The following NDUFS4 variants were observed in gnomAD, a reference collection of about 807,000 sequenced individuals.
NDUFS4 encodes NADH:ubiquinone oxidoreductase subunit S4.
A neutral mutation model predicts 24.3 loss-of-function variants in NDUFS4; 28 were observed. That is an observed-to-expected ratio of 1.15 (90% CI 0.85 to 1.58). The LOEUF is 1.58. NDUFS4 is among the 40% of genes most tolerant of loss of function. The pLI, the probability that NDUFS4 is intolerant of heterozygous loss-of-function variation, is 0.00. For missense variants in NDUFS4, 223 were observed against 207.9 expected (o/e 1.07, Z -0.45); for synonymous variants, 93 against 69.7 (o/e 1.34, Z -1.67).
rs2607478 is a variant in NDUFS4 at position 53,622,632 on chromosome 5, A to T, written c.177+19102A>T. On this transcript the variant is annotated intron_variant, in intron 2 of 4. Coordinates refer to ENST00000296684, the MANE Select transcript of NDUFS4 (RefSeq NM_002495.4). ...ATACAAATTTTGGGAGAATACAAACATTCAGTTCATAACAGACCTTTTCAT... is the reference window on the plus strand; with the variant it reads ...ATACAAATTTTGGGAGAATACAAACTTTCAGTTCATAACAGACCTTTTCAT... Among the ~76,000 whole-genome samples, 50 of 151,930 alleles carry T rather than the reference A, an allele frequency of 3.3e-4. 1 individual carries two copies. The highest frequency in any genetic ancestry group is 6.0e-4 in the African/African-American group (25 of 41,418).
At chr5:53,560,958 G>A (rs1748821059) in intron 1 of NDUFS4, among the ~76,000 whole-genome samples, 198 bp downstream of exon 1, 1 of 152,112 alleles carries the variant, frequency 6.6e-6, no homozygotes, top group Admixed American at 6.5e-5. Flanking sequence ...GTGCGAGGCC[G>A]GGGAGGAGGA....
intron 2 of NDUFS4, among the ~76,000 whole-genome samples, chr5:53,636,860 G>A (rs569173257): frequency 3.3e-5 from 5 of 152,230 alleles, no homozygotes; most frequent in South Asian, 2.1e-4. Flanking sequence ...CTTCAGCCAC[G>A]TGAAGATGCC....
chr5:53,611,666 A>G (rs1750703113), intron 2 of NDUFS4, among the ~76,000 whole-genome samples: 1 of 151,978 alleles, frequency 6.6e-6, no homozygotes, highest in Non-Finnish European at 1.5e-5. Context: ...GATCTTATAA[A>G]TGGTTGTTTG....
At chr5:53,585,335 C>T (rs185285497) in intron 1 of NDUFS4, among the ~76,000 whole-genome samples, 1 of 152,228 alleles carries the variant, frequency 6.6e-6, no homozygotes, top group South Asian at 2.1e-4. Flanking sequence ...TTTATTGACT[C>T]GATTTGGATG....
intron 2 of NDUFS4, among the ~76,000 whole-genome samples, chr5:53,626,679 C>T (rs1751236672): frequency 6.6e-6 from 1 of 152,118 alleles, no homozygotes; most frequent in Non-Finnish European, 1.5e-5. Flanking sequence ...TAAATGTCTT[C>T]TTTTGAGAAG....
chr5:53,658,530 A>G, intron 3 of NDUFS4, 21 bp from the exon 4 acceptor site: 2 of 1,593,080 alleles, frequency 1.3e-6, no homozygotes, highest in East Asian at 2.2e-5. Flanking sequence ...TAAATCTTGG[A>G]AAAAAATTTG....
chr5:53,641,501 AC>A (rs1432365109), intron 2 of NDUFS4, among the ~76,000 whole-genome samples: 1 of 152,126 alleles, frequency 6.6e-6, no homozygotes. Context: ...ACATTCCAAC[AC>A]TTGATTCATT....
chr5:53,626,339 A>G (rs1751224784), intron 2 of NDUFS4, among the ~76,000 whole-genome samples: 2 of 152,304 alleles, frequency 1.3e-5, no homozygotes, highest in African/African-American at 4.8e-5. Flanking sequence ...CACTGCCGCA[A>G]TAAACATGTG....
chr5:53,667,389 CG>C (rs1029873406), intron 4 of NDUFS4, among the ~76,000 whole-genome samples: 72 of 151,602 alleles, frequency 4.7e-4, no homozygotes, highest in African/African-American at 1.7e-3. Context: ...CGCTTGAACC[CG>C]GGAGGCAGAG....
At chr5:53,668,562 G>A (rs964369352) in intron 4 of NDUFS4, among the ~76,000 whole-genome samples, 2 of 151,202 alleles carry the variant, frequency 1.3e-5, no homozygotes, top group Admixed American at 6.6e-5. Context: ...AGGTTCAAGC[G>A]ATTCTCCTGC....
chr5:53,677,037 T>G (rs1740497111), intron 4 of NDUFS4, among the ~76,000 whole-genome samples: 1 of 152,086 alleles, frequency 6.6e-6, no homozygotes, highest in East Asian at 1.9e-4. Flanking sequence ...CTGGAAGTGG[T>G]TTTTGGCTAT....
intron 4 of NDUFS4, among the ~76,000 whole-genome samples, chr5:53,675,641 A>T (rs1740442775): frequency 6.6e-6 from 1 of 152,222 alleles, no homozygotes; most frequent in Non-Finnish European, 1.5e-5. Context: ...ATGATGAAAT[A>T]CCAAAGAGCT....
chr5:53,598,589 T>C (rs928457462), intron 1 of NDUFS4, among the ~76,000 whole-genome samples: 2 of 152,170 alleles, frequency 1.3e-5, no homozygotes, highest in African/African-American at 4.8e-5. Flanking sequence ...GTTGAGATTT[T>C]CTCATCTACA....
chr5:53,605,655 T>A (rs567009217), intron 2 of NDUFS4, among the ~76,000 whole-genome samples: 1 of 152,318 alleles, frequency 6.6e-6, no homozygotes, highest in African/African-American at 2.4e-5. Context: ...GTTCTAGGAC[T>A]CCCCTCAAGT....
At chr5:53,592,285 G>A (rs573583265) in intron 1 of NDUFS4, among the ~76,000 whole-genome samples, 1 of 152,208 alleles carries the variant, frequency 6.6e-6, no homozygotes, top group African/African-American at 2.4e-5. Flanking sequence ...GTTTATTGTA[G>A]ATAAAGTTTC....
At chr5:53,658,776 C>A (rs1752236642) in intron 4 of NDUFS4, 152 bp downstream of exon 4, 1 of 358,588 alleles carries the variant, frequency 2.8e-6, no homozygotes. Flanking sequence ...CATCAGAACA[C>A]CCACCTCCAA....
chr5:53,656,472 A>G (rs1247429483), intron 3 of NDUFS4, among the ~76,000 whole-genome samples: 1 of 152,186 alleles, frequency 6.6e-6, no homozygotes, highest in Non-Finnish European at 1.5e-5. Context: ...TTGGTATTCA[A>G]AGTGAAGCAT....
At chr5:53,627,047 G>C (rs1751251282) in intron 2 of NDUFS4, among the ~76,000 whole-genome samples, 1 of 152,044 alleles carries the variant, frequency 6.6e-6, no homozygotes, top group Non-Finnish European at 1.5e-5. Flanking sequence ...TTTATCTTGA[G>C]TTAACTTTTG....
chr5:53,594,860 G>A (rs1169622620), intron 1 of NDUFS4, among the ~76,000 whole-genome samples: 1 of 137,882 alleles, frequency 7.3e-6, no homozygotes, highest in Admixed American at 7.8e-5. Context: ...TTGTATATAC[G>A]TATGTCTGTG....
Sources: gnomAD v4.1 joint callset for allele counts (sites outside exome capture counted in the v4.1 genomes callset) on GRCh38, gnomAD v4.1.1 for gene constraint, MANE v1.5 for transcripts, NCBI Gene and HGNC (gene_info 2026-07-23, HGNC 2026-07-21) for gene names.